The following RANBP2 variants were observed in gnomAD, a reference collection of about 807,000 sequenced individuals.
RANBP2 encodes the protein RAN binding protein 2, also known as E3 SUMO-protein ligase RanBP2.
A neutral mutation model predicts 303.6 loss-of-function variants in RANBP2; 57 were observed. That is an observed-to-expected ratio of 0.19 (90% CI 0.15 to 0.23). RANBP2 has a LOEUF of 0.23. Among genes scored for constraint, RANBP2 ranks in the 10% least tolerant of loss-of-function variants. The probability of loss-of-function intolerance (pLI) is 1.00; values close to 1 mark genes in which losing one functional copy is unlikely to be tolerated. For missense variants in RANBP2, 3,138 were observed against 3,780.8 expected (o/e 0.83, Z 4.46); for synonymous variants, 1,167 against 1,301.5 (o/e 0.90, Z 2.23).
In RANBP2 at chr2:108,772,777, TGG is replaced by T; in HGVS notation, c.8114-89_8114-88del. ...ATTAGTATGTACAGGTCTTGTTACC[TGG>T]GTCTGTGGATTATGTTGATGACTAC... On this transcript the variant is annotated intron_variant, in intron 22 of 28. Transcript: ENST00000283195. 5 of 1,384,826 alleles carry T rather than the reference TGG, an allele frequency of 3.6e-6. No individual in the cohort carries two copies. The South Asian group carries it at 4.9e-5, about 14-fold the overall frequency. 85.8% of individuals were successfully genotyped at this position (1,384,826 alleles called of 1,614,324 possible). A position where few individuals can be genotyped will look rare whatever the true frequency, so the allele number is the denominator to read the frequency against.
chr2:109,714,254 T>TTG, the RANBP2 span, among the ~76,000 whole-genome samples: 4,397 of 149,514 alleles, frequency 0.029, 237 homozygotes, highest in East Asian at 0.17. Flanking sequence ...CCTGGCTAAT[T>TTG]TGTGTGTGTG....
At chr2:109,330,912 G>A in the RANBP2 span, among the ~76,000 whole-genome samples, 1 of 152,162 alleles carries the variant, frequency 6.6e-6, no homozygotes, top group Admixed American at 6.5e-5. Context: ...ATCTGTGTCT[G>A]GCACCTTGCA....
the RANBP2 span, among the ~76,000 whole-genome samples, chr2:109,660,509 G>A: frequency 6.6e-6 from 1 of 152,166 alleles, no homozygotes; most frequent in Non-Finnish European, 1.5e-5. Context: ...CAAGAACCTG[G>A]ATGACTCATA....
the RANBP2 span, among the ~76,000 whole-genome samples, chr2:109,626,975 C>T: frequency 6.6e-6 from 1 of 151,992 alleles, no homozygotes; most frequent in East Asian, 1.9e-4. Context: ...GTGGTGGAGG[C>T]AGTAGTCAAG....
chr2:109,766,184 C>T, the RANBP2 span, among the ~76,000 whole-genome samples: 1 of 151,076 alleles, frequency 6.6e-6, no homozygotes, highest in Non-Finnish European at 1.5e-5. Flanking sequence ...GGGGCCTCGG[C>T]AGGTACGAGG....
At chr2:109,335,534 A>T in the RANBP2 span, among the ~76,000 whole-genome samples, 2 of 151,666 alleles carry the variant, frequency 1.3e-5, no homozygotes, top group Non-Finnish European at 2.9e-5. Context: ...ACGTTCTAAG[A>T]TTTCACCCTA....
At chr2:109,429,374 G>C in the RANBP2 span, among the ~76,000 whole-genome samples, 1 of 152,144 alleles carries the variant, frequency 6.6e-6, no homozygotes, top group Non-Finnish European at 1.5e-5. Flanking sequence ...TTACATTCCA[G>C]TTCCCCCAGC....
the RANBP2 span, among the ~76,000 whole-genome samples, chr2:109,171,798 C>T: frequency 2.0e-5 from 3 of 152,236 alleles, no homozygotes; most frequent in South Asian, 2.1e-4. Flanking sequence ...TCACTTGCAG[C>T]GGGGAGTGGC....
chr2:109,443,798 G>A, the RANBP2 span, among the ~76,000 whole-genome samples: 2 of 152,172 alleles, frequency 1.3e-5, no homozygotes, highest in African/African-American at 4.8e-5. Flanking sequence ...TACAATTATG[G>A]TCAGAGACTT....
At chr2:108,912,843 G>A in the RANBP2 span, 2 of 1,216,566 alleles carry the variant, frequency 1.6e-6, no homozygotes, top group Admixed American at 2.0e-5. Flanking sequence ...TCATGGATCT[G>A]GATTCATGAT....
the RANBP2 span, among the ~76,000 whole-genome samples, chr2:109,379,861 C>T: frequency 6.6e-6 from 1 of 152,146 alleles, no homozygotes; most frequent in African/African-American, 2.4e-5. Flanking sequence ...CACCCAATGG[C>T]GTGTCTCCTG....
the RANBP2 span, among the ~76,000 whole-genome samples, chr2:109,649,854 CT>C: frequency 1.3e-5 from 2 of 152,210 alleles, no homozygotes; most frequent in African/African-American, 2.4e-5. Context: ...AAAATTCCCT[CT>C]GATGTGTTTA....
At chr2:108,811,247 C>CTCTCTTTTTTTTTTT in the RANBP2 span, among the ~76,000 whole-genome samples, 1 of 113,938 alleles carries the variant, frequency 8.8e-6, no homozygotes, top group South Asian at 3.0e-4. Flanking sequence ...TTCTCTCTCT[C>CTCTCTTTTTTTTTTT]TTTTTTTTTT....
the RANBP2 span, among the ~76,000 whole-genome samples, chr2:109,435,359 A>G: frequency 1.6e-4 from 24 of 152,204 alleles, no homozygotes; most frequent in African/African-American, 4.6e-4. Context: ...GTTCAGGACA[A>G]TTGCCAAAGC....
chr2:108,835,417 T>G, the RANBP2 span, among the ~76,000 whole-genome samples: 4 of 152,202 alleles, frequency 2.6e-5, no homozygotes, highest in Non-Finnish European at 4.4e-5. Flanking sequence ...CCTCTATTTC[T>G]AATAAAAAAA....
chr2:109,186,812 C>A, the RANBP2 span, among the ~76,000 whole-genome samples: 9 of 152,194 alleles, frequency 5.9e-5, no homozygotes, highest in African/African-American at 2.2e-4. Context: ...CCACCTACAA[C>A]CCCAGCACCA....
chr2:109,302,604 T>G, the RANBP2 span, among the ~76,000 whole-genome samples: 1 of 152,210 alleles, frequency 6.6e-6, no homozygotes, highest in South Asian at 2.1e-4. Flanking sequence ...GTGCTAAATT[T>G]CACTGCTGCG....
the RANBP2 span, chr2:109,130,030 C>T: frequency 1.5e-6 from 2 of 1,340,896 alleles, no homozygotes; most frequent in South Asian, 3.9e-5. Flanking sequence ...CCCGGGTTCC[C>T]CGGTTTTCCT....
At chr2:109,107,224 C>CT in the RANBP2 span, among the ~76,000 whole-genome samples, 3,337 of 141,012 alleles carry the variant, frequency 0.024, 60 homozygotes, top group South Asian at 0.039. Flanking sequence ...CGCACCCAGC[C>CT]TTTTTTTTTT....
Sources: allele counts gnomAD v4.1 joint callset (sites outside exome capture counted in the v4.1 genomes callset), GRCh38; gene constraint gnomAD v4.1.1; transcripts MANE v1.5; gene names NCBI Gene and HGNC (gene_info 2026-07-23, HGNC 2026-07-21).